Variants in NRTN observed in about 807,000 individuals in gnomAD.
NRTN encodes the protein neurturin.
In NRTN, 3 loss-of-function variants were observed where a neutral mutation model predicts 7.5. That is an observed-to-expected ratio of 0.40 (90% CI 0.18 to 1.03). The LOEUF is 1.03. NRTN is among the 50% of genes least tolerant of loss of function. NRTN has a pLI of 0.34. For synonymous variants in NRTN, 157 were observed against 146.6 expected (o/e 1.07, Z -0.51); for missense variants, 310 against 307.0 (o/e 1.01, Z -0.07).
At position 5,812,990 on chromosome 19, in the gene NRTN, G is replaced by T. The variant is rs148378949; in HGVS notation, c.-399+7539G>T. Among the ~76,000 whole-genome samples the T allele has an allele frequency of 3.7e-3, 561 of 152,302 alleles. 3 individuals carry two copies. Among genetic ancestry groups the T allele is most frequent in the African/African-American group, 0.013 (544 of 41,556 alleles). ...ACGGCCTGGCATCCTCTACCCATGG[G>T]CAGTGGCAAGAGCACAAGAGCCACT... On this transcript the variant is annotated intron_variant, in intron 1 of 2. Coordinates refer to ENST00000303212, the MANE Select transcript of NRTN (RefSeq NM_004558.5).
At chr19:5,820,604 G>C (rs7252435) in intron 1 of NRTN, among the ~76,000 whole-genome samples, 96,276 of 142,102 alleles carry the variant, frequency 0.68, 33,168 homozygotes, top group African/African-American at 0.79. Flanking sequence ...TGGCACATTC[G>C]TTTAATCCCA....
chr19:5,822,558 C>G lies in NRTN; in HGVS notation c.-398-1210C>G, dbSNP rs12461602. On this transcript the variant is annotated intron_variant, in intron 1 of 2. Coordinates refer to ENST00000303212, the MANE Select transcript of NRTN (RefSeq NM_004558.5). ...TGAGGAGGATGCCACCAGGCACTCA[C>G]AGCACCAAGTAACTGGTGCCCGAAT... 7.5e-3 allele frequency among the ~76,000 whole-genome samples: 1,139 copies of G among 152,302 alleles called. 31 individuals carry two copies. The highest frequency in any genetic ancestry group is 0.055 in the East Asian group (286 of 5,178).
intron 1 of NRTN, among the ~76,000 whole-genome samples, chr19:5,818,512 C>A (rs1438963174): frequency 6.6e-6 from 1 of 152,074 alleles, no homozygotes; most frequent in Non-Finnish European, 1.5e-5. Context: ...AACTCCTGGG[C>A]TCTGGCAGCT....
chr19:5,814,558 C>T lies in NRTN; in HGVS notation c.-399+9107C>T, dbSNP rs550389650. On this transcript the variant is annotated intron_variant, in intron 1 of 2. Transcript: ENST00000303212. Reference sequence around the variant, plus strand: ...CCCGGCAGGTGTCCCCTGGGGAGTTCGGTGGGAAGGGGAGTGGGGGTGCCA... The same window carrying T: ...CCCGGCAGGTGTCCCCTGGGGAGTTTGGTGGGAAGGGGAGTGGGGGTGCCA... Among the ~76,000 whole-genome samples the T allele has an allele frequency of 4.6e-5, 7 of 152,172 alleles. No homozygotes were observed. The South Asian group carries it at 1.0e-3, about 23-fold the overall frequency.
In NRTN at chr19:5,827,937, G is replaced by T; in HGVS notation, c.358G>T (p.Ala120Ser). Reference protein sequence around the residue: ...VRVSELGLGYASDETVLFRYC... With the variant: ...VRVSELGLGYSSDETVLFRYC... ...CGTGAGCGAGCTGGGCCTGGGCTAC[G>T]CGTCCGACGAGACGGTGCTGTTCCG... The change falls in exon 3 of 3, where the codon GCG becomes TCG. Residue 120 changes from alanine to serine, a missense_variant. Physicochemically the swap from Ala to Ser is moderately conservative, Grantham distance 99 (BLOSUM62 1). Transcript: ENST00000303212. The T allele has an allele frequency of 6.7e-7, 1 of 1,483,378 alleles. No homozygotes were observed. The highest frequency in any genetic ancestry group is 8.9e-7 in the Non-Finnish European group (1 of 1,121,658). The allele number at this position is 1,483,378 out of a possible 1,614,324, so 91.9% of individuals were successfully genotyped here.
chr19:5,826,330 G>A (rs187611799), intron 2 of NRTN, among the ~76,000 whole-genome samples: 165 of 152,162 alleles, frequency 1.1e-3, no homozygotes, highest in Non-Finnish European at 2.0e-3. Context: ...AGGTTGCTCA[G>A]TCATCGCCCA....
rs573248346 is a variant in NRTN at position 5,825,830 on chromosome 19, C to T, written c.169+1496C>T. Among the ~76,000 whole-genome samples the T allele has an allele frequency of 2.6e-5, 4 of 152,320 alleles. No individual in the cohort carries two copies. The South Asian group carries it at 8.3e-4, about 32-fold the overall frequency. On this transcript the variant is annotated intron_variant, in intron 2 of 2. Transcript: ENST00000303212. Reference sequence around the variant, plus strand: ...CCCGCTGCAGGGAGGCAGGGACAGACATCCTAAAAGATGATTCATTGTTGC... The same window carrying T: ...CCCGCTGCAGGGAGGCAGGGACAGATATCCTAAAAGATGATTCATTGTTGC...
intron 1 of NRTN, among the ~76,000 whole-genome samples, chr19:5,807,745 C>T (rs1029862603): frequency 2.0e-5 from 3 of 152,206 alleles, no homozygotes; most frequent in Admixed American, 1.3e-4. Context: ...GCTTAAATAG[C>T]GCAGTGTGTC....
intron 1 of NRTN, among the ~76,000 whole-genome samples, chr19:5,808,337 C>T (rs926655340): frequency 5.9e-5 from 9 of 152,186 alleles, no homozygotes; most frequent in East Asian, 1.9e-4. Flanking sequence ...CATCCCACCC[C>T]GGGGACCCCC....
rs1187534138 is a variant in NRTN, at chr19:5,806,645, A to G, written c.-399+1194A>G. Reference sequence around the variant, plus strand: ...CACCCCTCCCTCCTCCCTTCATCCTAAGACTCCCGAGGTTCATAGCTCCGG... The same window carrying G: ...CACCCCTCCCTCCTCCCTTCATCCTGAGACTCCCGAGGTTCATAGCTCCGG... On this transcript the variant is annotated intron_variant, in intron 1 of 2. Transcript: ENST00000303212. This position sits in a 1 kb window ranked among gnomAD's most constrained non-coding sequence, Gnocchi z 5.4. Among the ~76,000 whole-genome samples the G allele has an allele frequency of 6.6e-6, 1 of 151,914 alleles. No individual in the cohort carries two copies. The highest frequency in any genetic ancestry group is 1.5e-5 in the Non-Finnish European group (1 of 67,974).
At chr19:5,816,607 C>T (rs193229613) in intron 1 of NRTN, among the ~76,000 whole-genome samples, 320 of 152,114 alleles carry the variant, frequency 2.1e-3, no homozygotes, top group African/African-American at 7.4e-3. Flanking sequence ...GTCTCAAACT[C>T]CTGACCTCAA....
intron 1 of NRTN, among the ~76,000 whole-genome samples, chr19:5,820,570 A>AAG (rs1432205345): frequency 6.7e-6 from 1 of 149,050 alleles, no homozygotes; most frequent in Non-Finnish European, 1.5e-5. Flanking sequence ...GTCTCAAAAA[A>AAG]AAAAAAAAAT....
chr19:5,814,142 C>G (rs2056998415), intron 1 of NRTN, among the ~76,000 whole-genome samples: 1 of 152,088 alleles, frequency 6.6e-6, no homozygotes, highest in African/African-American at 2.4e-5. Flanking sequence ...GCAAGCTCAC[C>G]CCTCTGTAAA....
In NRTN at chr19:5,824,138, C is replaced by A; in HGVS notation, c.-28C>A. On this transcript the variant is annotated 5_prime_UTR_variant, in exon 2 of 3. In the 5' UTR this introduces an upstream ATG that the reference lacks. Coordinates refer to ENST00000303212, the MANE Select transcript of NRTN (RefSeq NM_004558.5). ...CTGGAGGGACAGACGGGGCGTGCGG[C>A]TGACCATCCCGTGCCCGCAGGCTGA... 6.2e-6 allele frequency: 10 copies of A among 1,601,946 alleles called. No homozygotes were observed. Among genetic ancestry groups the A allele is most frequent in the Non-Finnish European group, 8.5e-6 (10 of 1,179,730 alleles).
rs913194567 is a variant in NRTN, at chr19:5,811,971, G to A, written c.-399+6520G>A. On this transcript the variant is annotated intron_variant, in intron 1 of 2. Coordinates refer to ENST00000303212, the MANE Select transcript of NRTN (RefSeq NM_004558.5). ...TGCAAGCTCCGCCTCTTGGGTTCAC[G>A]CCATTCTCCTGCCTCAGCCTCCCAA... Among the ~76,000 whole-genome samples, 7 of 151,964 alleles carry A rather than the reference G, an allele frequency of 4.6e-5. No homozygotes were observed. In the East Asian group the frequency reaches 7.7e-4, roughly 17 times the overall value.
chr19:5,825,522 C>A (rs2057042843), intron 2 of NRTN, among the ~76,000 whole-genome samples: 1 of 152,246 alleles, frequency 6.6e-6, no homozygotes, highest in Non-Finnish European at 1.5e-5. Flanking sequence ...GTCCTCCCAC[C>A]ACTTCCCTCT....
At chr19:5,815,813 C>T (rs1412880590) in intron 1 of NRTN, among the ~76,000 whole-genome samples, 1 of 148,530 alleles carries the variant, frequency 6.7e-6, no homozygotes, top group Non-Finnish European at 1.5e-5. Flanking sequence ...GGTGCGATCT[C>T]GACTCACTGC....
Position 5,809,001 on chromosome 19 carries a change from C to T in NRTN, c.-399+3550C>T, listed in dbSNP as rs551168066. ...TGATCTCCTGACCTCATGATCCTCCCGCCTCGGCCTCCCAAAGTGCTGGGA... is the reference window on the plus strand; with the variant it reads ...TGATCTCCTGACCTCATGATCCTCCTGCCTCGGCCTCCCAAAGTGCTGGGA... On this transcript the variant is annotated intron_variant, in intron 1 of 2. Transcript: ENST00000303212. Among the ~76,000 whole-genome samples, 14 of 151,882 alleles carry T rather than the reference C, an allele frequency of 9.2e-5. No individual in the cohort carries two copies. The East Asian group carries it at 2.5e-3, about 28-fold the overall frequency.
At chr19:5,809,418 C>T (rs2056983428) in intron 1 of NRTN, among the ~76,000 whole-genome samples, 3 of 151,918 alleles carry the variant, frequency 2.0e-5, no homozygotes, top group East Asian at 1.9e-4. Context: ...CTGATCCTCC[C>T]GCCTCAGCCT....
Sources: allele counts gnomAD v4.1 joint callset (sites outside exome capture counted in the v4.1 genomes callset), GRCh38; gene constraint gnomAD v4.1.1; non-coding constraint Gnocchi (gnomAD v3.1); transcripts MANE v1.5; gene names NCBI Gene and HGNC (gene_info 2026-07-23, HGNC 2026-07-21).